Variants in TESK2 observed in about 807,000 individuals in gnomAD.
TESK2 encodes dual specificity testis-specific protein kinase 2.
In TESK2, 39 loss-of-function variants were observed where a neutral mutation model predicts 57.1. The ratio of observed to expected loss-of-function variants is 0.68; its 90% CI spans 0.53 to 0.89. The LOEUF (loss-of-function observed/expected upper bound fraction) is 0.89. Among genes scored for constraint, TESK2 ranks in the 40% least tolerant of loss-of-function variants. The pLI is 0.00. For missense variants in TESK2, 646 were observed against 732.1 expected (o/e 0.88, Z 1.36); for synonymous variants, 249 against 267.9 (o/e 0.93, Z 0.69).
At chr1:45,372,430 T>G (rs1244044857) in intron 4 of TESK2, among the ~76,000 whole-genome samples, 1 of 151,724 alleles carries the variant, frequency 6.6e-6, no homozygotes, top group Non-Finnish European at 1.5e-5. Context: ...ATACAAAAAA[T>G]TAGCCGGGTG....
intron 2 of TESK2, among the ~76,000 whole-genome samples, chr1:45,437,982 C>T (rs1651299861): frequency 6.6e-6 from 1 of 152,134 alleles, no homozygotes; most frequent in African/African-American, 2.4e-5. Flanking sequence ...GTTCCCCAAA[C>T]AGTATTGGTA....
At chr1:45,420,564 A>ATTTT (rs200053502) in intron 3 of TESK2, among the ~76,000 whole-genome samples, 2 of 125,716 alleles carry the variant, frequency 1.6e-5, no homozygotes, top group African/African-American at 5.9e-5. Context: ...GCCAAATAAA[A>ATTTT]TTTTTTTTTT....
At chr1:45,392,050 G>A (rs957766451) in intron 3 of TESK2, among the ~76,000 whole-genome samples, 2 of 152,128 alleles carry the variant, frequency 1.3e-5, no homozygotes, top group African/African-American at 4.8e-5. Context: ...TAACATTTCT[G>A]ACTCCTTCCC....
At chr1:45,361,736 C>T (rs553879955) in intron 4 of TESK2, among the ~76,000 whole-genome samples, 22 of 152,302 alleles carry the variant, frequency 1.4e-4, no homozygotes, top group African/African-American at 4.8e-4. Context: ...ACCAAAGGCA[C>T]AGAGAAGTGG....
chr1:45,376,906 T>C (rs188799906), intron 4 of TESK2, among the ~76,000 whole-genome samples: 28 of 152,264 alleles, frequency 1.8e-4, no homozygotes, highest in African/African-American at 6.3e-4. Flanking sequence ...TGATGATTAT[T>C]CAGATAGTAG....
At chr1:45,395,513 A>G (rs1001032578) in intron 3 of TESK2, among the ~76,000 whole-genome samples, 13 of 151,946 alleles carry the variant, frequency 8.6e-5, no homozygotes, top group Non-Finnish European at 1.0e-4. Flanking sequence ...CTGTAGTTAG[A>G]TTCTACTCAT....
At chr1:45,380,618 T>G (rs929818323) in intron 4 of TESK2, among the ~76,000 whole-genome samples, 1 of 152,140 alleles carries the variant, frequency 6.6e-6, no homozygotes, top group Non-Finnish European at 1.5e-5. Context: ...CATCTTTATT[T>G]TAGGATGAAA....
At chr1:45,488,927 C>G (rs6661321) in intron 1 of TESK2, among the ~76,000 whole-genome samples, 66,497 of 151,888 alleles carry the variant, frequency 0.44, 14,761 homozygotes, top group East Asian at 0.58. Context: ...TTTGGGAGGC[C>G]GGGGAAGGCA....
At chr1:45,385,527 TG>T (rs1648855190) in intron 4 of TESK2, among the ~76,000 whole-genome samples, 1 of 152,128 alleles carries the variant, frequency 6.6e-6, no homozygotes, top group African/African-American at 2.4e-5. Flanking sequence ...AGTCAAGTGC[TG>T]TCATCCCTTG....
At chr1:45,428,345 C>G (rs1168474304) in intron 2 of TESK2, among the ~76,000 whole-genome samples, 3 of 152,006 alleles carry the variant, frequency 2.0e-5, no homozygotes, top group African/African-American at 7.3e-5. Flanking sequence ...CTGATACAGT[C>G]AGACCAACTG....
intron 3 of TESK2, among the ~76,000 whole-genome samples, chr1:45,418,315 T>G (rs1366958969): frequency 6.6e-6 from 1 of 152,204 alleles, no homozygotes; most frequent in Non-Finnish European, 1.5e-5. Context: ...CTCTCAAACA[T>G]GGTGGAAGCC....
intron 2 of TESK2, among the ~76,000 whole-genome samples, chr1:45,439,112 A>G (rs1432069303): frequency 6.6e-6 from 1 of 152,196 alleles, no homozygotes; most frequent in African/African-American, 2.4e-5. Flanking sequence ...CTATTCAAGC[A>G]CAAAAATAAA....
chr1:45,376,382 AT>A (rs201233772), intron 4 of TESK2, among the ~76,000 whole-genome samples: 399 of 142,032 alleles, frequency 2.8e-3, no homozygotes, highest in Middle Eastern at 3.6e-3. Context: ...CGTCTGGCTA[AT>A]TTTTTTTTTT....
chr1:45,389,704 A>C (rs1416304435), intron 3 of TESK2, among the ~76,000 whole-genome samples: 4 of 152,336 alleles, frequency 2.6e-5, no homozygotes, highest in Middle Eastern at 6.8e-3. Flanking sequence ...AGACATTAAG[A>C]AAGTTACCTA....
chr1:45,374,097 A>C (rs1018267425), intron 4 of TESK2, among the ~76,000 whole-genome samples: 3 of 152,248 alleles, frequency 2.0e-5, no homozygotes, highest in African/African-American at 7.2e-5. Flanking sequence ...AGAACTTTCT[A>C]AATCCTTCTG....
Position 45,421,813 on chromosome 1 carries a change from G to C in TESK2, c.256C>G (p.Leu86Val), listed in dbSNP as rs1366425148. 6.2e-7 allele frequency: 1 copy of C among 1,614,064 alleles called. No homozygotes were observed. The highest frequency in any genetic ancestry group is 1.7e-5 in the Admixed American group (1 of 60,008). The change falls in exon 3 of 11, where the codon CTT becomes GTT. Residue 86 changes from leucine (L) to valine (V), a missense_variant. Coordinates refer to ENST00000372086, the MANE Select transcript of TESK2 (RefSeq NM_007170.3). ...TTACTGCTCAATGTGTTCATCTTAAGAGCCATCACCTGACCAGAAGCTCGG... is the reference window on the plus strand; with the variant it reads ...TTACTGCTCAATGTGTTCATCTTAACAGCCATCACCTGACCAGAAGCTCGG... ...RHRASGQVMA[L>V]KMNTLSSNRA... is the part of the protein sequence containing the mutation.
chr1:45,467,790 T>A (rs116778748), intron 1 of TESK2, among the ~76,000 whole-genome samples: 1,559 of 152,266 alleles, frequency 0.01, 11 homozygotes, highest in Middle Eastern at 0.048. Context: ...TCCACCGTAG[T>A]TTTTAGTCCT....
At chr1:45,412,813 G>C (rs1650085539) in intron 3 of TESK2, among the ~76,000 whole-genome samples, 1 of 152,166 alleles carries the variant, frequency 6.6e-6, no homozygotes, top group Non-Finnish European at 1.5e-5. Context: ...GAGCTCAGGA[G>C]TTCGAGACCA....
chr1:45,363,863 T>C (rs1420556347), intron 4 of TESK2, among the ~76,000 whole-genome samples: 3 of 151,976 alleles, frequency 2.0e-5, no homozygotes, highest in Non-Finnish European at 4.4e-5. Context: ...GAGCCCTGAG[T>C]TGGTTACTCA....
Sources: gnomAD v4.1 joint callset for allele counts (sites outside exome capture counted in the v4.1 genomes callset) on GRCh38, gnomAD v4.1.1 for gene constraint, MANE v1.5 for transcripts, NCBI Gene and HGNC (gene_info 2026-07-23, HGNC 2026-07-21) for gene names.